The following FHAD1 variants were observed in gnomAD, a reference collection of about 807,000 sequenced individuals.
The protein encoded by FHAD1 is forkhead associated phosphopeptide binding domain 1.
Under a neutral mutation model 191.3 loss-of-function variants are expected in FHAD1, and 146 were observed. The observed-to-expected ratio is 0.76, with a 90% CI of 0.67 to 0.88. The LOEUF is 0.88. Among genes scored for constraint, FHAD1 ranks in the 40% least tolerant of loss-of-function variants. The pLI is 0.00. For synonymous variants in FHAD1, 616 were observed against 672.3 expected (o/e 0.92, Z 1.29); for missense variants, 1,635 against 1,785.8 (o/e 0.92, Z 1.52).
chr1:15,263,320 A>G (rs1573760669), intron 2 of FHAD1, among the ~76,000 whole-genome samples: 1 of 151,516 alleles, frequency 6.6e-6, no homozygotes, highest in Non-Finnish European at 1.5e-5. Flanking sequence ...ATTCCAGTTT[A>G]TCTATTTTTA....
chr1:15,348,909 C>A, intron 18 of FHAD1, 133 bp from the exon 19 acceptor site: 1 of 629,324 alleles, frequency 1.6e-6, no homozygotes, highest in South Asian at 2.1e-5. Flanking sequence ...GCCAGGGGCC[C>A]AGGTGTATTT....
At chr1:15,274,188 A>G (rs1303203235) in intron 3 of FHAD1, among the ~76,000 whole-genome samples, 1 of 152,210 alleles carries the variant, frequency 6.6e-6, no homozygotes, top group Admixed American at 6.5e-5. Flanking sequence ...ATTGCAAATG[A>G]TGCAGCTGTG....
intron 14 of FHAD1, among the ~76,000 whole-genome samples, chr1:15,334,015 A>G (rs1438741092): frequency 6.6e-6 from 1 of 151,482 alleles, no homozygotes; most frequent in Non-Finnish European, 1.5e-5. Context: ...TGTTTTTTGT[A>G]GAGACGCGGT....
rs1160157110 is a variant in FHAD1, at chr1:15,376,069, ATTTATTTATTTT to A, written c.3705+366_3705+377del. On this transcript the variant is annotated intron_variant, in intron 28 of 33. Transcript: ENST00000688493. The stretch of plus-strand genomic sequence containing the variant: ...ATTTTATTTATTTATTTATTTATTT[ATTTATTTATTTT>A]TTTATTTATTTTTTTATTTATTTTT... Among the ~76,000 whole-genome samples the A allele has an allele frequency of 5.0e-3, 708 of 140,718 alleles. 6 individuals are homozygous for A. The highest frequency in any genetic ancestry group is 0.012 in the African/African-American group (423 of 36,660). The allele number at this position is 140,718 out of a possible 152,430, so 92.3% of individuals were successfully genotyped here.
At chr1:15,284,764 A>G (rs1425180769) in intron 3 of FHAD1, among the ~76,000 whole-genome samples, 2 of 152,186 alleles carry the variant, frequency 1.3e-5, no homozygotes, top group South Asian at 2.1e-4. Flanking sequence ...TGTTTATTCA[A>G]GCTGATAGAA....
chr1:15,320,443 A>G (rs1376829378), intron 10 of FHAD1, among the ~76,000 whole-genome samples: 1 of 152,082 alleles, frequency 6.6e-6, no homozygotes, highest in Non-Finnish European at 1.5e-5. Context: ...TGAGAGAGGC[A>G]TATTGTTTGA....
intron 3 of FHAD1, among the ~76,000 whole-genome samples, chr1:15,279,347 G>A (rs191556761): frequency 2.6e-5 from 4 of 152,258 alleles, no homozygotes; most frequent in African/African-American, 9.6e-5. Flanking sequence ...AGTAGCTGAA[G>A]TTATTTTTCA....
chr1:15,266,878 T>G (rs1653765300), intron 2 of FHAD1, among the ~76,000 whole-genome samples: 1 of 152,236 alleles, frequency 6.6e-6, no homozygotes, highest in South Asian at 2.1e-4. Context: ...CTAAGCAATA[T>G]GCATTTAAAG....
chr1:15,397,274 GT>G (rs767280713), intron 33 of FHAD1, 22 bp from the exon 34 acceptor site: 12 of 1,267,460 alleles, frequency 9.5e-6, no homozygotes, highest in South Asian at 2.8e-5. Context: ...GAGTTTGTGT[GT>G]TTTTTCTCTT....
At chr1:15,369,617 G>C in intron 26 of FHAD1, 115 bp downstream of exon 26, 1 of 1,218,308 alleles carries the variant, frequency 8.2e-7, no homozygotes, top group Non-Finnish European at 1.2e-6. Flanking sequence ...TGGCTTGCTG[G>C]TGTGAAATGT....
intron 2 of FHAD1, among the ~76,000 whole-genome samples, chr1:15,265,125 G>C (rs1055649635): frequency 1.4e-4 from 22 of 152,322 alleles, no homozygotes; most frequent in African/African-American, 5.3e-4. Context: ...ATATTGGTCT[G>C]TAGTTTTCTT....
chr1:15,237,063 C>A (rs778355093), intron 1 of FHAD1, among the ~76,000 whole-genome samples: 4 of 152,114 alleles, frequency 2.6e-5, no homozygotes, highest in African/African-American at 9.7e-5. Context: ...CCACCATGAT[C>A]GTAAGTTTCC....
intron 9 of FHAD1, among the ~76,000 whole-genome samples, chr1:15,317,447 C>A (rs1279577794): frequency 3.3e-5 from 5 of 152,156 alleles, no homozygotes; most frequent in Admixed American, 1.3e-4. Flanking sequence ...TTCATTGTTC[C>A]GTTCTTCCAG....
chr1:15,262,617 G>A (rs1221023663), intron 2 of FHAD1, among the ~76,000 whole-genome samples: 5 of 152,206 alleles, frequency 3.3e-5, no homozygotes, highest in Non-Finnish European at 5.9e-5. Context: ...GTTCATCCAC[G>A]TTGTGGCAGA....
At chr1:15,243,350 C>T (rs960304549), upstream of FHAD1, among the ~76,000 whole-genome samples, 5 of 152,210 alleles carry the variant, frequency 3.3e-5, no homozygotes, top group African/African-American at 1.2e-4. Context: ...GGGCCCTCTG[C>T]TCTCTGTCAT....
rs768010234 is a variant in FHAD1, at chr1:15,276,088, G to T, written c.300+3559G>T. Among the ~76,000 whole-genome samples the T allele has an allele frequency of 2.0e-4, 31 of 152,298 alleles. No homozygotes were observed. Among genetic ancestry groups the T allele is most frequent in the Non-Finnish European group, 4.1e-4 (28 of 68,022 alleles). ...GGTGTCCTGAAGTTCAAGTGAGTCT[G>T]CCCCACACAGTTCTGCCCTGCTCTT... On this transcript the variant is annotated intron_variant, in intron 3 of 33. Transcript: ENST00000688493. This position sits in a 1 kb window ranked among gnomAD's most constrained non-coding sequence, Gnocchi z 4.7.
chr1:15,295,609 C>G (rs1291590020), intron 4 of FHAD1, among the ~76,000 whole-genome samples: 1 of 151,810 alleles, frequency 6.6e-6, no homozygotes, highest in Non-Finnish European at 1.5e-5. Flanking sequence ...CCCTGTCTGT[C>G]TGTGTGTGTG....
chr1:15,306,885 C>T (rs961149402), intron 6 of FHAD1, among the ~76,000 whole-genome samples: 1 of 152,210 alleles, frequency 6.6e-6, no homozygotes, highest in African/African-American at 2.4e-5. Flanking sequence ...GGTCAGAGCC[C>T]CCACACAGAG....
intron 2 of FHAD1, among the ~76,000 whole-genome samples, chr1:15,271,289 G>T (rs2101223222): frequency 6.6e-6 from 1 of 152,300 alleles, no homozygotes; most frequent in Admixed American, 6.5e-5. Context: ...CTCCAGCCTG[G>T]GTGACGGAGC....
Sources: gnomAD v4.1 joint callset for allele counts (sites outside exome capture counted in the v4.1 genomes callset) on GRCh38, gnomAD v4.1.1 for gene constraint, Gnocchi (gnomAD v3.1) non-coding constraint, MANE v1.5 for transcripts, NCBI Gene and HGNC (gene_info 2026-07-23, HGNC 2026-07-21) for gene names.